MCM9: variants seen among roughly 807,000 people sequenced by gnomAD.
MCM9 encodes minichromosome maintenance 9 homologous recombination repair factor, also known as DNA helicase MCM9.
MCM9 carries 55 observed loss-of-function variants against 72.8 expected under a neutral mutation model. The observed-to-expected ratio is 0.76, with a 90% CI of 0.61 to 0.95. The LOEUF (loss-of-function observed/expected upper bound fraction) is 0.95, where lower values mean the gene tolerates loss of function less well. Ranked by LOEUF, MCM9 falls within the 40% of genes least tolerant of loss-of-function variation. The probability of loss-of-function intolerance (pLI) is 0.00; values close to 1 mark genes in which losing one functional copy is unlikely to be tolerated. For missense variants in MCM9, 1,279 were observed against 1,377.0 expected (o/e 0.93, Z 1.13); for synonymous variants, 480 against 503.4 (o/e 0.95, Z 0.62).
chr6:118,934,579 C>T (rs1482610490), intron 1 of MCM9: 1 of 151,966 alleles, frequency 6.6e-6, no homozygotes, highest in Non-Finnish European at 1.5e-5. Flanking sequence ...CCCTCCGCCC[C>T]TCTCACTGCG....
intron 5 of MCM9, 105 bp from the exon 6 acceptor site, chr6:118,917,866 G>C (rs1781093965): frequency 2.1e-6 from 2 of 956,848 alleles, no homozygotes; most frequent in Non-Finnish European, 3.3e-6. Flanking sequence ...TCCCTTACTA[G>C]AGTTTACAAT....
chr6:118,816,032 A>G lies in MCM9; in HGVS notation c.2224T>C (p.Leu742=), dbSNP rs1217829242. ...AQHKNNRDDS[L]DWFDFMATHQ... ...GTTGCCATGAAATCAAACCAATCTA[A>G]ACTGTCATCTCTGTTATTTTTGTGC... Residue 742 remains leucine, a synonymous_variant, in exon 14 of 14, where the codon TTA becomes CTA. Transcript: ENST00000619706. 6.4e-7 allele frequency: 1 copy of G among 1,550,424 alleles called. No homozygotes were observed. Among genetic ancestry groups the G allele is most frequent in the Admixed American group, 2.0e-5 (1 of 50,986 alleles).
chr6:118,893,960 CCTCCGCCCCT>C (rs1484056110), intron 8 of MCM9: 1 of 964,660 alleles, frequency 1.0e-6, no homozygotes, highest in Non-Finnish European at 1.2e-6. Flanking sequence ...GGCCACGCCC[CCTCCGCCCCT>C]CTCCGCGCCG....
rs1583423149 is a variant in MCM9 at position 118,848,388 on chromosome 6, G to C, written c.1325+7983C>G. On this transcript the variant is annotated intron_variant, in intron 9 of 13. Coordinates refer to ENST00000619706, the MANE Select transcript of MCM9 (RefSeq NM_017696.3). ...TTATAAAACGTAAGCCCTAGAATAGGGGTTGTCAAACTACAGTCCAAATGC... is the reference window on the plus strand; with the variant it reads ...TTATAAAACGTAAGCCCTAGAATAGCGGTTGTCAAACTACAGTCCAAATGC... 2.6e-5 allele frequency among the ~76,000 whole-genome samples: 4 copies of C among 151,656 alleles called. 1 individual carries two copies. Among genetic ancestry groups the C allele is most frequent in the African/African-American group, 9.8e-5 (4 of 41,022 alleles).
intron 8 of MCM9, among the ~76,000 whole-genome samples, chr6:118,885,153 G>A (rs1247231915): frequency 3.9e-5 from 6 of 152,136 alleles, no homozygotes; most frequent in Admixed American, 2.0e-4. Context: ...CTGAGATTGC[G>A]CCGCTGCACT....
At chr6:118,901,572 C>T (rs1779799788) in intron 8 of MCM9, among the ~76,000 whole-genome samples, 1 of 151,778 alleles carries the variant, frequency 6.6e-6, no homozygotes, top group African/African-American at 2.4e-5. Flanking sequence ...GGATCTATAC[C>T]AAGGCTTCAG....
chr6:118,897,355 T>C (rs1209456837), intron 8 of MCM9, among the ~76,000 whole-genome samples: 1 of 152,082 alleles, frequency 6.6e-6, no homozygotes, highest in African/African-American at 2.4e-5. Context: ...ATATCAAGGG[T>C]TAAGACAGCC....
At chr6:118,925,085 G>C (rs1281348358) in intron 3 of MCM9, among the ~76,000 whole-genome samples, 1 of 151,466 alleles carries the variant, frequency 6.6e-6, no homozygotes, top group Admixed American at 6.6e-5. Flanking sequence ...AGGAGGGAAG[G>C]AGAAAGAGAA....
intron 8 of MCM9, among the ~76,000 whole-genome samples, chr6:118,897,013 A>AT (rs916268745): frequency 8.6e-5 from 13 of 151,862 alleles, no homozygotes; most frequent in African/African-American, 3.1e-4. Context: ...TAATTTTTTA[A>AT]TTTTTTGTAG....
intron 3 of MCM9, among the ~76,000 whole-genome samples, chr6:118,926,319 C>A (rs1781890937): frequency 6.6e-6 from 1 of 152,206 alleles, no homozygotes; most frequent in African/African-American, 2.4e-5. Flanking sequence ...ACTCAGAATA[C>A]TAACATTAGC....
chr6:118,868,730 C>T (rs1160677931), intron 8 of MCM9, among the ~76,000 whole-genome samples: 22 of 152,156 alleles, frequency 1.4e-4, no homozygotes, highest in Admixed American at 1.4e-3. Context: ...CATCTCACGC[C>T]AGCTAGAATG....
At chr6:118,889,343 C>T (rs992703345) in intron 8 of MCM9, among the ~76,000 whole-genome samples, 7 of 152,192 alleles carry the variant, frequency 4.6e-5, no homozygotes, top group African/African-American at 1.7e-4. Context: ...TTCTGCCAAG[C>T]GTCACTCCAT....
chr6:118,934,552 C>T (rs940660946), intron 1 of MCM9: 37 of 151,824 alleles, frequency 2.4e-4, no homozygotes, highest in African/African-American at 8.4e-4. Flanking sequence ...GACGCGCGCC[C>T]TCGGCCCCGC....
intron 9 of MCM9, among the ~76,000 whole-genome samples, chr6:118,855,345 C>T (rs1221905111): frequency 6.6e-6 from 1 of 152,088 alleles, no homozygotes; most frequent in African/African-American, 2.4e-5. Context: ...TCTAATAAAA[C>T]CGTGAATACC....
intron 8 of MCM9, among the ~76,000 whole-genome samples, chr6:118,874,781 C>T (rs1777830891): frequency 6.6e-6 from 1 of 152,170 alleles, no homozygotes; most frequent in South Asian, 2.1e-4. Context: ...TCCTATATAT[C>T]AAGAATGAAC....
intron 9 of MCM9, among the ~76,000 whole-genome samples, chr6:118,839,642 T>C (rs1206059868): frequency 6.6e-6 from 1 of 152,196 alleles, no homozygotes; most frequent in Non-Finnish European, 1.5e-5. Context: ...GTTGATGCTA[T>C]TCCTTTCTGT....
intron 3 of MCM9, among the ~76,000 whole-genome samples, chr6:118,925,075 A>C (rs1256360080): frequency 2.0e-5 from 3 of 151,700 alleles, no homozygotes; most frequent in Non-Finnish European, 4.4e-5. Context: ...GGAGGAAGGA[A>C]GGAGGGAAGG....
At chr6:118,897,833 A>T (rs1282534889) in intron 8 of MCM9, among the ~76,000 whole-genome samples, 2 of 151,936 alleles carry the variant, frequency 1.3e-5, no homozygotes, top group Non-Finnish European at 2.9e-5. Flanking sequence ...GGTTAAAAAA[A>T]AAAACAACAA....
At chr6:118,896,040 CG>C (rs1241089638) in intron 8 of MCM9, among the ~76,000 whole-genome samples, 12 of 137,592 alleles carry the variant, frequency 8.7e-5, no homozygotes, top group African/African-American at 3.2e-4. Context: ...CATGTGCCCC[CG>C]TTTTTTTTTT....
Sources: allele counts gnomAD v4.1 joint callset (sites outside exome capture counted in the v4.1 genomes callset), GRCh38; gene constraint gnomAD v4.1.1; transcripts MANE v1.5; gene names NCBI Gene and HGNC (gene_info 2026-07-23, HGNC 2026-07-21).